Variants in CADM2 observed in about 807,000 individuals in gnomAD.
The protein encoded by CADM2 is cell adhesion molecule 2.
CADM2 carries 12 observed loss-of-function variants against 49.8 expected under a neutral mutation model. The observed-to-expected ratio is 0.24, with a 90% CI of 0.15 to 0.39. The LOEUF (loss-of-function observed/expected upper bound fraction) is 0.39, where lower values mean the gene tolerates loss of function less well. Ranked by LOEUF, CADM2 falls within the 10% of genes least tolerant of loss-of-function variation. The pLI, the probability that CADM2 is intolerant of heterozygous loss-of-function variation, is 1.00. For missense variants in CADM2, 378 were observed against 492.3 expected (o/e 0.77, Z 2.20); for synonymous variants, 214 against 175.4 (o/e 1.22, Z -1.74).
chr3:85,419,068 T>A (rs910718236), intron 1 of CADM2, among the ~76,000 whole-genome samples: 2 of 152,160 alleles, frequency 1.3e-5, no homozygotes, highest in African/African-American at 4.8e-5. Context: ...CTGCCCTGAT[T>A]TATGAAGATT....
At chr3:85,703,012 T>C (rs2066828565) in intron 1 of CADM2, among the ~76,000 whole-genome samples, 1 of 152,198 alleles carries the variant, frequency 6.6e-6, no homozygotes, top group Non-Finnish European at 1.5e-5. Flanking sequence ...AGATTTACCA[T>C]CGTATCTGGG....
intron 1 of CADM2, among the ~76,000 whole-genome samples, chr3:85,174,454 A>T (rs1246417159): frequency 6.6e-6 from 1 of 151,616 alleles, no homozygotes. Flanking sequence ...ACTTTTCCTT[A>T]CCAGAAAATT....
intron 1 of CADM2, among the ~76,000 whole-genome samples, chr3:84,987,007 G>T (rs1474341436): frequency 6.6e-6 from 1 of 151,702 alleles, no homozygotes; most frequent in Admixed American, 6.6e-5. Context: ...AGCCGAGATC[G>T]CATCATTGCA....
chr3:86,001,408 C>T (rs1265212843), intron 8 of CADM2, among the ~76,000 whole-genome samples: 1 of 151,860 alleles, frequency 6.6e-6, no homozygotes, highest in African/African-American at 2.4e-5. Context: ...GGTTAGAAAC[C>T]ACGAACTTGT....
intron 1 of CADM2, among the ~76,000 whole-genome samples, chr3:84,977,347 G>C (rs1018447694): frequency 6.6e-6 from 1 of 151,950 alleles, no homozygotes; most frequent in East Asian, 1.9e-4. Flanking sequence ...TCTTGGAAGA[G>C]CACTGATAAT....
At chr3:85,757,909 C>G (rs531772533) in intron 2 of CADM2, among the ~76,000 whole-genome samples, 131 of 152,238 alleles carry the variant, frequency 8.6e-4, no homozygotes, top group African/African-American at 3.0e-3. Flanking sequence ...CCTAGGCTGA[C>G]TGAACTTAAT....
In CADM2 at chr3:85,886,102, A is replaced by C. The variant is rs996168476; in HGVS notation, c.392-88A>C. On this transcript the variant is annotated intron_variant, in intron 4 of 9. Transcript: ENST00000383699. ...CGAACTTCTTGTCAATTAACCATCC[A>C]GTTCAGTTTCATGTGTGAAAGTAAT... 4.5e-6 allele frequency: 7 copies of C among 1,550,564 alleles called. No individual in the cohort carries two copies. In the Middle Eastern group the frequency reaches 1.2e-3, roughly 268 times the overall value.
At chr3:85,813,919 C>T (rs189420217) in intron 3 of CADM2, among the ~76,000 whole-genome samples, 2 of 152,226 alleles carry the variant, frequency 1.3e-5, no homozygotes, top group Admixed American at 1.3e-4. Context: ...GGTACTACTA[C>T]CATGCTGTAT....
chr3:85,515,177 A>G (rs1292065397), intron 1 of CADM2, among the ~76,000 whole-genome samples: 4 of 152,158 alleles, frequency 2.6e-5, no homozygotes, highest in Non-Finnish European at 5.9e-5. Context: ...TCAAAGTTGT[A>G]ACCTTAGTCT....
At chr3:85,501,769 C>T (rs2040127547) in intron 1 of CADM2, among the ~76,000 whole-genome samples, 1 of 151,892 alleles carries the variant, frequency 6.6e-6, no homozygotes, top group African/African-American at 2.4e-5. Context: ...AATACTTTGC[C>T]AGTGGTTGCT....
chr3:85,886,880 C>T lies in CADM2; in HGVS notation c.529+553C>T, dbSNP rs1239280578. 3.3e-5 allele frequency among the ~76,000 whole-genome samples: 5 copies of T among 151,682 alleles called. No homozygotes were observed. The East Asian group carries it at 9.6e-4, about 29-fold the overall frequency. On this transcript the variant is annotated intron_variant, in intron 5 of 9. Coordinates refer to ENST00000383699, the MANE Select transcript of CADM2 (RefSeq NM_001167675.2). ...AAATTTAAACTCCCTCTCTCTCTGT[C>T]ACACACACACACTCAAACATACATT...
At chr3:85,473,452 C>A (rs1226512927) in intron 1 of CADM2, among the ~76,000 whole-genome samples, 2 of 151,992 alleles carry the variant, frequency 1.3e-5, no homozygotes, top group African/African-American at 4.8e-5. Context: ...GCAGTGAAAT[C>A]ATCTGCATAG....
chr3:85,376,047 G>A (rs1051278736), intron 1 of CADM2, among the ~76,000 whole-genome samples: 6 of 151,988 alleles, frequency 3.9e-5, no homozygotes, highest in Admixed American at 3.3e-4. Flanking sequence ...GCAACAATAT[G>A]AAATAAGTAC....
intron 1 of CADM2, among the ~76,000 whole-genome samples, chr3:85,199,473 AT>A (rs1030692598): frequency 6.7e-4 from 97 of 143,990 alleles, no homozygotes; most frequent in South Asian, 2.3e-3. Flanking sequence ...TAATTTCAAA[AT>A]TTTTTTTTTT....
At chr3:85,003,681 T>A (rs2033583437) in intron 1 of CADM2, among the ~76,000 whole-genome samples, 1 of 152,090 alleles carries the variant, frequency 6.6e-6, no homozygotes, top group African/African-American at 2.4e-5. Context: ...TATTGTGCAA[T>A]AAGAAAGGAT....
intron 2 of CADM2, among the ~76,000 whole-genome samples, chr3:85,729,453 G>T (rs890922512): frequency 5.3e-5 from 8 of 151,262 alleles, no homozygotes; most frequent in African/African-American, 1.9e-4. Flanking sequence ...TGACCCAGTC[G>T]AGTTGCTTCT....
chr3:85,036,996 A>AG (rs1491502259), intron 1 of CADM2, among the ~76,000 whole-genome samples: 1 of 99,064 alleles, frequency 1.0e-5, no homozygotes, highest in African/African-American at 3.1e-5. Flanking sequence ...TACTAAAAAT[A>AG]GAAAAAAAAA....
At chr3:85,503,134 A>T (rs2040187387) in intron 1 of CADM2, among the ~76,000 whole-genome samples, 1 of 152,178 alleles carries the variant, frequency 6.6e-6, no homozygotes, top group South Asian at 2.1e-4. Flanking sequence ...TTATATGAAG[A>T]AATGACAATT....
rs1425124564 is a variant in CADM2, at chr3:84,959,533, C to T, written c.-75C>T. On this transcript the variant is annotated 5_prime_UTR_variant, in exon 1 of 10. Transcript: ENST00000383699. ...GCCGGGAGGAGGACACCAGCGGAGC[C>T]CTGCACTCTCGTGCCCCGCTCACCA... The T allele has an allele frequency of 3.6e-6, 5 of 1,382,328 alleles. No individual in the cohort carries two copies. The highest frequency in any genetic ancestry group is 5.0e-6 in the Non-Finnish European group (5 of 1,007,558). The allele number at this position is 1,382,328 out of a possible 1,614,324, so 85.6% of individuals were successfully genotyped here.
Sources: allele counts gnomAD v4.1 joint callset (sites outside exome capture counted in the v4.1 genomes callset), GRCh38; gene constraint gnomAD v4.1.1; transcripts MANE v1.5; gene names NCBI Gene and HGNC (gene_info 2026-07-23, HGNC 2026-07-21).